The following GRIP1 variants were observed in gnomAD, a reference collection of about 807,000 sequenced individuals.
GRIP1 encodes glutamate receptor-interacting protein 1.
A neutral mutation model predicts 129.9 loss-of-function variants in GRIP1; 45 were observed. The observed-to-expected ratio is 0.35, with a 90% confidence interval of 0.27 to 0.44. The LOEUF is 0.44. Among genes scored for constraint, GRIP1 ranks in the 20% least tolerant of loss-of-function variants. The pLI, the probability that GRIP1 is intolerant of heterozygous loss-of-function variation, is 1.00. For synonymous variants in GRIP1, 530 were observed against 520.8 expected (o/e 1.02, Z -0.24); for missense variants, 1,196 against 1,396.8 (o/e 0.86, Z 2.29).
intron 1 of GRIP1, among the ~76,000 whole-genome samples, chr12:66,779,672 A>C (rs1055693060): frequency 7.2e-5 from 11 of 152,246 alleles, no homozygotes; most frequent in African/African-American, 2.4e-4. Flanking sequence ...ATATTTATTG[A>C]ACATCTGTGT....
At chr12:66,826,549 G>A (rs534161378) in intron 1 of GRIP1, among the ~76,000 whole-genome samples, 6 of 151,890 alleles carry the variant, frequency 4.0e-5, no homozygotes, top group Non-Finnish European at 7.4e-5. Flanking sequence ...TGAACAGTAA[G>A]CAAAATGTTA....
In GRIP1 at chr12:66,785,343, C is replaced by CATACATACATACATATATATATATAT. The variant is rs377630345; in HGVS notation, c.-420+18709_-420+18710insATATATATATATATGTATGTATGTAT. ...ACATACATACATACATACATACATACATATATATATATATATATATTAGTT... is the reference window on the plus strand; with the variant it reads ...ACATACATACATACATACATACATACATACATACATACATATATATATATATATATATATATATATATATATTAGTT... On this transcript the variant is annotated intron_variant, in intron 1 of 4. Transcript: ENST00000538373. Among the ~76,000 whole-genome samples the CATACATACATACATATATATATATAT allele has an allele frequency of 1.5e-4, 11 of 72,786 alleles. No individual in the cohort carries two copies. The East Asian group carries it at 1.7e-3, about 11-fold the overall frequency. The allele number at this position is 72,786 out of a possible 152,430, so 47.8% of individuals were successfully genotyped here. A position where few individuals can be genotyped will look rare whatever the true frequency, so the allele number is the denominator to read the frequency against.
chr12:66,590,840 C>A (rs1043516207), intron 2 of GRIP1, among the ~76,000 whole-genome samples: 1 of 152,222 alleles, frequency 6.6e-6, no homozygotes, highest in South Asian at 2.1e-4. Flanking sequence ...AGCTTCAAGG[C>A]CAAATGTGAG....
At chr12:67,044,208 T>C (rs1240792808) in intron 1 of GRIP1, among the ~76,000 whole-genome samples, 1 of 152,238 alleles carries the variant, frequency 6.6e-6, no homozygotes, top group African/African-American at 2.4e-5. Context: ...TAGGGGCATT[T>C]CTTCCACCAG....
intron 23 of GRIP1, among the ~76,000 whole-genome samples, chr12:66,363,554 C>T (rs1302280751): frequency 6.6e-6 from 1 of 151,744 alleles, no homozygotes; most frequent in Non-Finnish European, 1.5e-5. Context: ...CCTGGCCCTC[C>T]TTATGCCTCT....
At chr12:66,894,614 T>C (rs1262861751) in intron 1 of GRIP1, among the ~76,000 whole-genome samples, 1 of 152,134 alleles carries the variant, frequency 6.6e-6, no homozygotes, top group African/African-American at 2.4e-5. Flanking sequence ...TTCCCTGACT[T>C]TGCCTTCCAA....
At chr12:66,943,045 T>C (rs1011350207) in intron 1 of GRIP1, among the ~76,000 whole-genome samples, 1 of 152,322 alleles carries the variant, frequency 6.6e-6, no homozygotes, top group African/African-American at 2.4e-5. Context: ...CAGTCTGCAG[T>C]ATTCTAATAG....
intron 2 of GRIP1, among the ~76,000 whole-genome samples, chr12:66,593,033 A>G (rs7977441): frequency 0.15 from 22,475 of 152,200 alleles, 1,806 homozygotes; most frequent in Non-Finnish European, 0.17. Context: ...ATACAAACTT[A>G]AACTTTGGTG....
intron 1 of GRIP1, among the ~76,000 whole-genome samples, chr12:66,618,497 C>T (rs1309445139): frequency 6.6e-6 from 1 of 151,842 alleles, no homozygotes; most frequent in Non-Finnish European, 1.5e-5. Flanking sequence ...TAAGGCTGTA[C>T]TAGAAACTAC....
intron 7 of GRIP1, among the ~76,000 whole-genome samples, chr12:66,488,494 T>C (rs1408293526): frequency 6.6e-6 from 1 of 152,164 alleles, no homozygotes; most frequent in East Asian, 1.9e-4. Context: ...AGAAAGTTTA[T>C]AGTACTAAAT....
chr12:66,609,146 A>C (rs1215105897), intron 1 of GRIP1, among the ~76,000 whole-genome samples: 1 of 151,992 alleles, frequency 6.6e-6, no homozygotes, highest in Non-Finnish European at 1.5e-5. Flanking sequence ...AATCTGTCTA[A>C]GGCTATCAAA....
chr12:67,043,872 T>A (rs916532254), intron 1 of GRIP1, among the ~76,000 whole-genome samples: 5 of 152,128 alleles, frequency 3.3e-5, no homozygotes, highest in African/African-American at 9.7e-5. Flanking sequence ...GAAGTTTATT[T>A]TTTTTTTTAA....
intron 7 of GRIP1, among the ~76,000 whole-genome samples, chr12:66,504,407 G>A (rs2060471862): frequency 1.3e-5 from 2 of 152,160 alleles, no homozygotes; most frequent in Admixed American, 1.3e-4. Flanking sequence ...GAAAGCCTCT[G>A]AAACTGAATT....
chr12:66,723,222 CTTTCTCTCTCTCTCTCT>C (rs2036120472), intron 1 of GRIP1, among the ~76,000 whole-genome samples: 9 of 47,984 alleles, frequency 1.9e-4, no homozygotes, highest in African/African-American at 1.0e-3. Flanking sequence ...TTCTTTCTTT[CTTTCTCTCTCTCTCTCT>C]CTTCCTTCCT....
Position 66,430,136 on chromosome 12 carries a change from T to C in GRIP1, c.1768+2412A>G, listed in dbSNP as rs543634217. The stretch of plus-strand genomic sequence containing the variant: ...ATGGAGGCATTATATAAGCACATTG[T>C]ATGTCAGGAACTGTGCTAGGCCTCA... On this transcript the variant is annotated intron_variant, in intron 14 of 24. Coordinates refer to ENST00000359742, the MANE Select transcript of GRIP1 (RefSeq NM_001366722.1). Among the ~76,000 whole-genome samples the C allele has an allele frequency of 3.3e-5, 5 of 152,386 alleles. No individual in the cohort carries two copies. The South Asian group carries it at 1.0e-3, about 32-fold the overall frequency.
At chr12:66,672,677 G>A (rs1003022869) in intron 1 of GRIP1, among the ~76,000 whole-genome samples, 9 of 151,938 alleles carry the variant, frequency 5.9e-5, no homozygotes, top group Admixed American at 1.3e-4. Context: ...AAACACTGAC[G>A]GCTTGCCTAT....
Position 66,394,285 on chromosome 12 carries a change from G to A in GRIP1, c.2052C>T (p.Gly684=). 2 of 1,613,862 alleles carry A rather than the reference G, an allele frequency of 1.2e-6. No homozygotes were observed. Among genetic ancestry groups the A allele is most frequent in the South Asian group, 1.1e-5 (1 of 91,080 alleles). The change falls in exon 17 of 25, where the codon GGC becomes GGT. Residue 684 remains glycine, a synonymous_variant. Coordinates refer to ENST00000359742, the MANE Select transcript of GRIP1 (RefSeq NM_001366722.1). ...VELKRYGGPL[G]ITISGTEEPF... ...GCTCTTCAGTTCCTGAAATTGTGAT[G>A]CCAAGGGGCCCCCCGTAGCGTTTAA... is the stretch of plus-strand genomic sequence containing the variant.
chr12:67,032,957 A>AT (rs1259168101), intron 1 of GRIP1, among the ~76,000 whole-genome samples: 2 of 152,016 alleles, frequency 1.3e-5, no homozygotes, highest in Non-Finnish European at 2.9e-5. Flanking sequence ...AATTTACATT[A>AT]TTTTTTCTTA....
At chr12:66,736,917 ATTT>A (rs3051135) in intron 1 of GRIP1, among the ~76,000 whole-genome samples, 11 of 140,216 alleles carry the variant, frequency 7.8e-5, no homozygotes, top group Admixed American at 2.9e-4. Flanking sequence ...TTTGCAAGTC[ATTT>A]TTTTTTTTTT....
Sources: allele counts gnomAD v4.1 joint callset (sites outside exome capture counted in the v4.1 genomes callset), GRCh38; gene constraint gnomAD v4.1.1; transcripts MANE v1.5; gene names NCBI Gene and HGNC (gene_info 2026-07-23, HGNC 2026-07-21).